Variants in NOL4 observed in about 807,000 individuals in gnomAD.
NOL4 encodes cancer/testis antigen 125.
Under a neutral mutation model 75.9 loss-of-function variants are expected in NOL4, and 17 were observed. The ratio of observed to expected loss-of-function variants is 0.22; its 90% CI spans 0.15 to 0.34. The LOEUF (loss-of-function observed/expected upper bound fraction) is 0.34, where lower values mean the gene tolerates loss of function less well. NOL4 is among the 10% of genes least tolerant of loss of function. The pLI, the probability that NOL4 is intolerant of heterozygous loss-of-function variation, is 1.00. For missense variants in NOL4, 614 were observed against 793.5 expected (o/e 0.77, Z 2.72); for synonymous variants, 292 against 289.9 (o/e 1.01, Z -0.07).
intron 1 of NOL4, among the ~76,000 whole-genome samples, chr18:34,177,705 G>A (rs1216569567): frequency 6.6e-6 from 1 of 151,776 alleles, no homozygotes; most frequent in South Asian, 2.1e-4. Flanking sequence ...AAGCCAGAAT[G>A]TACATAGTCA....
chr18:34,083,818 A>G (rs1827024319), intron 5 of NOL4, among the ~76,000 whole-genome samples: 2 of 152,168 alleles, frequency 1.3e-5, no homozygotes, highest in Non-Finnish European at 1.5e-5. Flanking sequence ...CACAGGCCTC[A>G]GGAACCCCAA....
intron 1 of NOL4, among the ~76,000 whole-genome samples, chr18:34,182,326 A>G (rs1464495318): frequency 1.3e-5 from 2 of 151,644 alleles, no homozygotes; most frequent in Non-Finnish European, 3.0e-5. Flanking sequence ...GTATCAATAC[A>G]TTTATATAAA....
chr18:34,141,983 CA>C (rs925525458), intron 1 of NOL4, among the ~76,000 whole-genome samples: 7 of 150,914 alleles, frequency 4.6e-5, no homozygotes, highest in African/African-American at 1.5e-4. Context: ...AACAAATTTA[CA>C]AAAAAAACAA....
chr18:34,217,048 G>A (rs898985617), intron 1 of NOL4, among the ~76,000 whole-genome samples: 6 of 151,936 alleles, frequency 3.9e-5, no homozygotes, highest in Non-Finnish European at 2.9e-5. Context: ...TTTCTAGAGA[G>A]GAATCTAGAA....
intron 1 of NOL4, among the ~76,000 whole-genome samples, chr18:34,187,579 G>T (rs1372454131): frequency 1.3e-5 from 2 of 151,748 alleles, no homozygotes; most frequent in Non-Finnish European, 2.9e-5. Flanking sequence ...AGTAGAGACG[G>T]GGTTTCACCG....
chr18:34,086,981 A>G (rs114536973), intron 5 of NOL4, among the ~76,000 whole-genome samples: 2,383 of 152,314 alleles, frequency 0.016, 59 homozygotes, highest in African/African-American at 0.054. Context: ...TTCAAAAAGT[A>G]ACTCAGAAGT....
chr18:33,994,183 T>C (rs147178202), intron 6 of NOL4, among the ~76,000 whole-genome samples: 1 of 151,568 alleles, frequency 6.6e-6, no homozygotes, highest in East Asian at 2.0e-4. Context: ...GACTAGACAA[T>C]TAAATAATAA....
chr18:34,161,317 T>G (rs1357844827), intron 1 of NOL4, among the ~76,000 whole-genome samples: 1 of 152,170 alleles, frequency 6.6e-6, no homozygotes, highest in African/African-American at 2.4e-5. Context: ...TTTCTTTCCT[T>G]TGATAGATAC....
chr18:33,940,295 G>A (rs917671673), intron 9 of NOL4, among the ~76,000 whole-genome samples: 2 of 151,990 alleles, frequency 1.3e-5, no homozygotes, highest in African/African-American at 4.8e-5. Flanking sequence ...AAGACTTGGA[G>A]CCAACAAATG....
intron 6 of NOL4, among the ~76,000 whole-genome samples, chr18:33,975,342 A>G (rs980621547): frequency 7.2e-5 from 11 of 152,230 alleles, no homozygotes; most frequent in South Asian, 2.1e-4. Context: ...GAAATAAAAT[A>G]TTTTCATTAA....
chr18:34,145,527 T>C (rs1399293501), intron 1 of NOL4, among the ~76,000 whole-genome samples: 2 of 151,814 alleles, frequency 1.3e-5, no homozygotes, highest in South Asian at 2.1e-4. Flanking sequence ...CAAGAATTTA[T>C]AGAGATCATC....
chr18:33,979,964 A>G (rs896984176), intron 6 of NOL4, among the ~76,000 whole-genome samples: 3 of 152,080 alleles, frequency 2.0e-5, no homozygotes, highest in Non-Finnish European at 2.9e-5. Flanking sequence ...CAAAATTTTC[A>G]AACAATTATT....
At chr18:34,168,827 G>T (rs1311726507) in intron 1 of NOL4, among the ~76,000 whole-genome samples, 1 of 151,298 alleles carries the variant, frequency 6.6e-6, no homozygotes, top group Non-Finnish European at 1.5e-5. Flanking sequence ...CAAGAGGGAA[G>T]GTGAATAAAA....
At chr18:33,888,232 G>A (rs2064881113) in intron 9 of NOL4, among the ~76,000 whole-genome samples, 1 of 152,180 alleles carries the variant, frequency 6.6e-6, no homozygotes, top group Admixed American at 6.5e-5. Flanking sequence ...TTTGAGAAGT[G>A]TCTGTTCATA....
At chr18:33,856,071 A>C (rs920287267) in intron 10 of NOL4, among the ~76,000 whole-genome samples, 32 of 152,062 alleles carry the variant, frequency 2.1e-4, no homozygotes, top group Non-Finnish European at 2.1e-4. Flanking sequence ...AGGCCCATAA[A>C]CGCAGGCACG....
At chr18:34,103,733 T>G (rs2079143592) in intron 4 of NOL4, among the ~76,000 whole-genome samples, 1 of 152,026 alleles carries the variant, frequency 6.6e-6, no homozygotes, top group Non-Finnish European at 1.5e-5. Flanking sequence ...GATACTTTAC[T>G]GTGAACTTAC....
At position 34,104,050 on chromosome 18, in the gene NOL4, A is replaced by C; in HGVS notation, c.636T>G (p.Asp212Glu). 9 of 1,604,192 alleles carry C rather than the reference A, an allele frequency of 5.6e-6. No homozygotes were observed. Among genetic ancestry groups the C allele is most frequent in the Non-Finnish European group, 7.7e-6 (9 of 1,171,572 alleles). ...AATGTAGATGTTTTTATTTTACCTC[A>C]TCTTGCTGTGAGTTTAGCAGCTGCA... ...MKLQLLNSQQ[D>E]EDESSIESDE... The change falls in exon 4 of 11, where the codon GAT (aspartate) becomes GAG (glutamate). Residue 212 changes from aspartate (D) to glutamate (E), a missense_variant. Asp to Glu is a conservative substitution (Grantham distance 45). Transcript: ENST00000261592.
chr18:34,222,647 C>G (rs907893888), intron 1 of NOL4, among the ~76,000 whole-genome samples: 1 of 152,202 alleles, frequency 6.6e-6, no homozygotes, highest in South Asian at 2.1e-4. Flanking sequence ...GCCAGGCGCC[C>G]AGAGAAGGAC....
rs780964732 is a variant in NOL4, at chr18:34,019,553, C to T, written c.821G>A (p.Ser274Asn). ...GTGTGTTCCCCCTGAAGCAATTGAA[C>T]TGTGCCCCAGAGTCTCATTGCCATT... ...SFNGNETLGHSSIASGGTHSR... is the reference protein window; with the variant it reads ...SFNGNETLGHNSIASGGTHSR... Residue 274 changes from serine to asparagine, a missense_variant, in exon 6 of 11, where the codon AGT (serine) becomes AAT (asparagine). By Grantham distance (46) the Ser-to-Asn change is conservative. Around this residue, in one of 9 missense-constraint regions of NOL4, gnomAD observed 196 missense variants for 167.9 expected, o/e 1.17. Transcript: ENST00000261592. The T allele has an allele frequency of 3.0e-5, 48 of 1,613,880 alleles. No individual in the cohort carries two copies. The highest frequency in any genetic ancestry group is 4.1e-5 in the Non-Finnish European group (48 of 1,179,980).
Sources: allele counts gnomAD v4.1 joint callset (sites outside exome capture counted in the v4.1 genomes callset), GRCh38; gene constraint gnomAD v4.1.1; regional missense constraint gnomAD v4.1.1; transcripts MANE v1.5; gene names NCBI Gene and HGNC (gene_info 2026-07-23, HGNC 2026-07-21).